Variants in MARK2 observed in about 807,000 individuals in gnomAD.
MARK2 encodes serine/threonine-protein kinase MARK2.
Under a neutral mutation model 89.8 loss-of-function variants are expected in MARK2, and 16 were observed. The ratio of observed to expected loss-of-function variants is 0.18; its 90% CI spans 0.12 to 0.27. MARK2 has a LOEUF of 0.27. Among genes scored for constraint, MARK2 ranks in the 10% least tolerant of loss-of-function variants. The pLI is 1.00. For missense variants in MARK2, 621 were observed against 1,049.9 expected (o/e 0.59, Z 5.65); for synonymous variants, 382 against 399.5 (o/e 0.96, Z 0.52).
intron 1 of MARK2, among the ~76,000 whole-genome samples, chr11:63,869,637 G>A (rs1938337293): frequency 6.6e-6 from 1 of 152,136 alleles, no homozygotes; most frequent in African/African-American, 2.4e-5. Flanking sequence ...TGTTTCTGAG[G>A]TGTGCTACTG....
chr11:63,881,792 G>T (rs1939104972), intron 1 of MARK2, among the ~76,000 whole-genome samples: 1 of 152,048 alleles, frequency 6.6e-6, no homozygotes, highest in Non-Finnish European at 1.5e-5. Flanking sequence ...CAAAAAAAAT[G>T]AAATAAATAA....
rs755658586 is a variant in MARK2, at chr11:63,900,893, G to A, written c.988+14G>A. 29 of 1,613,424 alleles carry A rather than the reference G, an allele frequency of 1.8e-5. No homozygotes were observed. Among genetic ancestry groups the A allele is most frequent in the Admixed American group, 8.3e-5 (5 of 60,006 alleles). ...CCCGGCGGACAGGTGAGGCTGTGCC[G>A]GGCTGTGAGGTTAAGCTTGCCTAGG... On this transcript the variant is annotated intron_variant, in intron 10 of 18. Coordinates refer to ENST00000402010, the MANE Select transcript of MARK2 (RefSeq NM_001039469.3). The surrounding 1 kb of genome is among the most constrained non-coding windows in gnomAD (Gnocchi z 4.7).
intron 1 of MARK2, among the ~76,000 whole-genome samples, chr11:63,894,038 G>C (rs1165798575): frequency 6.6e-6 from 1 of 152,214 alleles, no homozygotes; most frequent in Non-Finnish European, 1.5e-5. Context: ...TTCAGTGCTG[G>C]TAGTTGTAGC....
At chr11:63,908,531 G>T (rs991488020) in intron 18 of MARK2, among the ~76,000 whole-genome samples, 2 of 152,188 alleles carry the variant, frequency 1.3e-5, no homozygotes, top group African/African-American at 2.4e-5. Context: ...GGAGTTCTGG[G>T]TCGGGTGGTT....
chr11:63,892,236 C>T (rs1246752749), intron 1 of MARK2, among the ~76,000 whole-genome samples: 1 of 152,214 alleles, frequency 6.6e-6, no homozygotes, highest in Non-Finnish European at 1.5e-5. Flanking sequence ...GATCTTCCTC[C>T]TCCAAGGTCC....
rs1565092911 is a variant in MARK2, at chr11:63,846,362, A to AG, written c.54+6802_54+6803insG. Reference sequence around the variant, plus strand: ...TGAGACCTCATTTCTACAAAAAAAAAATTTTTTTTTTGAGACGGAGTCTTG... The same window carrying AG: ...TGAGACCTCATTTCTACAAAAAAAAAGATTTTTTTTTTGAGACGGAGTCTTG... On this transcript the variant is annotated intron_variant, in intron 1 of 18. Coordinates refer to ENST00000402010, the MANE Select transcript of MARK2 (RefSeq NM_001039469.3). Among the ~76,000 whole-genome samples, 56 of 150,724 alleles carry AG rather than the reference A, an allele frequency of 3.7e-4. 1 individual carries two copies. In the East Asian group the frequency reaches 5.5e-3, roughly 15 times the overall value.
In MARK2 at chr11:63,903,133, G is replaced by A. The variant is rs1941038291; in HGVS notation, c.1489G>A (p.Ala497Thr). 1 of 1,613,716 alleles carries A rather than the reference G, an allele frequency of 6.2e-7. No individual in the cohort carries two copies. Residue 497 changes from alanine (A) to threonine (T), a missense_variant, in exon 14 of 19, where the codon GCC becomes ACC. Ala to Thr is a moderately conservative substitution (Grantham distance 58). Coordinates refer to ENST00000402010, the MANE Select transcript of MARK2 (RefSeq NM_001039469.3). The surrounding 1 kb of genome is among the most constrained non-coding windows in gnomAD (Gnocchi z 5.1). Reference protein sequence around the residue: ...PLLERASLGQASIQNGKDSLT... With the variant: ...PLLERASLGQTSIQNGKDSLT... Reference sequence around the variant, plus strand: ...TTTGGAGCGGGCCAGCCTCGGCCAGGCCTCCATCCAGAATGGCAAAGACAG... The same window carrying A: ...TTTGGAGCGGGCCAGCCTCGGCCAGACCTCCATCCAGAATGGCAAAGACAG...
At chr11:63,846,831 T>C (rs368657180) in intron 1 of MARK2, among the ~76,000 whole-genome samples, 41 of 152,066 alleles carry the variant, frequency 2.7e-4, no homozygotes, top group East Asian at 2.1e-3. Context: ...AATTTTTTTG[T>C]ATTTTCAGTA....
chr11:63,890,699 T>C (rs756646038), intron 1 of MARK2, among the ~76,000 whole-genome samples: 18 of 152,176 alleles, frequency 1.2e-4, no homozygotes, highest in Non-Finnish European at 2.4e-4. Context: ...TCAACTTCGA[T>C]TTGGAAGGTT....
intron 1 of MARK2, among the ~76,000 whole-genome samples, chr11:63,844,182 A>G (rs2016161184): frequency 6.6e-6 from 1 of 152,242 alleles, no homozygotes; most frequent in African/African-American, 2.4e-5. Context: ...CTAGTAAATT[A>G]GAATAATTTC....
Position 63,900,419 on chromosome 11 carries a change from T to C in MARK2, c.769-140T>C, listed in dbSNP as rs1394509059. On this transcript the variant is annotated intron_variant, in intron 8 of 18. Coordinates refer to ENST00000402010, the MANE Select transcript of MARK2 (RefSeq NM_001039469.3). This position sits in a 1 kb window ranked among gnomAD's most constrained non-coding sequence, Gnocchi z 4.7. ...TCACTTGCCTCTCTGGTGAGGTGTC[T>C]TGTCCCCAGGCTGTCTGCCTTCTTC... 2.5e-5 allele frequency: 26 copies of C among 1,038,992 alleles called. No homozygotes were observed. The highest frequency in any genetic ancestry group is 3.4e-5 in the Non-Finnish European group (24 of 703,760). The allele number at this position is 1,038,992 out of a possible 1,614,324, so 64.4% of individuals were successfully genotyped here. A position where few individuals can be genotyped will look rare whatever the true frequency, so the allele number is the denominator to read the frequency against.
chr11:63,890,526 C>T (rs1326060438), intron 1 of MARK2, among the ~76,000 whole-genome samples: 1 of 152,198 alleles, frequency 6.6e-6, no homozygotes, highest in Non-Finnish European at 1.5e-5. Flanking sequence ...CTCCTTCCCT[C>T]TTTTGAAGGC....
intron 1 of MARK2, among the ~76,000 whole-genome samples, chr11:63,885,137 G>T (rs943153743): frequency 1.3e-5 from 2 of 152,132 alleles, no homozygotes; most frequent in Non-Finnish European, 2.9e-5. Flanking sequence ...AGATTGCAGT[G>T]AGCCAAGATC....
At chr11:63,872,798 G>A (rs779135415) in intron 1 of MARK2, among the ~76,000 whole-genome samples, 6 of 152,100 alleles carry the variant, frequency 3.9e-5, no homozygotes, top group Admixed American at 2.6e-4. Context: ...GAACCCCGCC[G>A]CTTCCCTCCC....
Position 63,843,006 on chromosome 11 carries a change from A to AT in MARK2, c.54+3448dup, listed in dbSNP as rs776461253. Among the ~76,000 whole-genome samples, 85 of 151,962 alleles carry AT rather than the reference A, an allele frequency of 5.6e-4. No individual in the cohort carries two copies. In the Middle Eastern group the frequency reaches 0.02, roughly 36 times the overall value. On this transcript the variant is annotated intron_variant, in intron 1 of 18. Coordinates refer to ENST00000402010, the MANE Select transcript of MARK2 (RefSeq NM_001039469.3). ...TCGCTTATAACAGTGAAAGTAGGAG[A>AT]TTAAAAAAAAAAAAAAGTTAAGCCC...
intron 3 of MARK2, among the ~76,000 whole-genome samples, chr11:63,896,902 T>C (rs1940453351): frequency 6.6e-6 from 1 of 152,202 alleles, no homozygotes; most frequent in African/African-American, 2.4e-5. Flanking sequence ...AGCCATCTTA[T>C]TCCTGACCTT....
intron 1 of MARK2, among the ~76,000 whole-genome samples, chr11:63,877,257 C>A (rs1460554048): frequency 6.6e-6 from 1 of 151,470 alleles, no homozygotes; most frequent in Non-Finnish European, 1.5e-5. Context: ...ACTACAGGTG[C>A]CCACCACCAC....
intron 11 of MARK2, among the ~76,000 whole-genome samples, chr11:63,901,939 G>A (rs11605500): frequency 0.48 from 73,261 of 151,672 alleles, 19,901 homozygotes; most frequent in East Asian, 0.88. Flanking sequence ...CTGGACATGT[G>A]TTCTTGCGGA....
chr11:63,859,002 C>T (rs949524271), intron 1 of MARK2, among the ~76,000 whole-genome samples: 8 of 151,862 alleles, frequency 5.3e-5, no homozygotes, highest in Non-Finnish European at 7.4e-5. Context: ...TTTTTTTATT[C>T]CATTAAAAAG....
Sources: gnomAD v4.1 joint callset for allele counts (sites outside exome capture counted in the v4.1 genomes callset) on GRCh38, gnomAD v4.1.1 for gene constraint, Gnocchi (gnomAD v3.1) non-coding constraint, MANE v1.5 for transcripts, NCBI Gene and HGNC (gene_info 2026-07-23, HGNC 2026-07-21) for gene names.